Variants in ZNF730 observed in about 807,000 individuals in gnomAD.
ZNF730 encodes putative zinc finger protein 730.
ZNF730 carries 12 observed loss-of-function variants against 12.6 expected under a neutral mutation model. The ratio of observed to expected loss-of-function variants is 0.95; its 90% CI spans 0.61 to 1.54. The LOEUF (loss-of-function observed/expected upper bound fraction) is 1.54. Ranked by LOEUF, ZNF730 falls within the 40% of genes most tolerant of loss-of-function variation. ZNF730 has a pLI of 0.00. For missense variants in ZNF730, 643 were observed against 583.5 expected, an observed-to-expected ratio of 1.10 and a Z score of -1.05; for synonymous variants, 194 against 195.8, an observed-to-expected ratio of 0.99 and a Z score of 0.08.
intron 1 of ZNF730, chr19:23,100,149 A>G (rs751545246): frequency 3.9e-5 from 6 of 151,990 alleles, no homozygotes; most frequent in Non-Finnish European, 8.8e-5. Flanking sequence ...TTCACCAATC[A>G]CTGAGGTCGA....
intron 1 of ZNF730, among the ~76,000 whole-genome samples, chr19:23,092,393 G>A (rs996529878): frequency 5.3e-5 from 8 of 152,014 alleles, no homozygotes; most frequent in African/African-American, 1.4e-4. Flanking sequence ...TTGGGAGTTC[G>A]AGACCAGCCT....
chr19:23,078,109 T>C (rs62121616), intron 1 of ZNF730, among the ~76,000 whole-genome samples: 19 of 152,204 alleles, frequency 1.2e-4, no homozygotes, highest in Middle Eastern at 3.4e-3. Context: ...GTCTGAGATA[T>C]GGCCTCATGG....
At chr19:23,118,601 G>A (rs935470361) in intron 1 of ZNF730, among the ~76,000 whole-genome samples, 3 of 152,086 alleles carry the variant, frequency 2.0e-5, no homozygotes, top group Non-Finnish European at 4.4e-5. Context: ...GGGGCTAAGA[G>A]GAATCTCCTG....
Position 23,145,344 on chromosome 19 carries a change from G to A in ZNF730, c.300G>A (p.Leu100=), listed in dbSNP as rs1419893050. ...AAGATTATTTCCAAGAAGTCATACT[G>A]AGACAATATAAAAAATGTAGACATG... The part of the protein sequence containing the change: ...GIKDYFQEVI[L]RQYKKCRHEN... Residue 100 remains leucine (L), a synonymous_variant, in exon 4 of 4, where the codon CTG becomes CTA. Coordinates refer to ENST00000597761, the MANE Select transcript of ZNF730 (RefSeq NM_001277403.2). The A allele has an allele frequency of 6.3e-7, 1 of 1,598,400 alleles. No homozygotes were observed. Among genetic ancestry groups the A allele is most frequent in the Middle Eastern group, 1.7e-4 (1 of 6,044 alleles).
intron 1 of ZNF730, chr19:23,124,089 A>T (rs554130189): frequency 6.6e-6 from 1 of 152,284 alleles, no homozygotes; most frequent in African/African-American, 2.4e-5. Flanking sequence ...CCACTCTCTG[A>T]TGTGACACTA....
chr19:23,107,475 A>AAAAAAAAACC (rs752480467), intron 1 of ZNF730, among the ~76,000 whole-genome samples: 1 of 118,934 alleles, frequency 8.4e-6, no homozygotes, highest in African/African-American at 2.8e-5. Context: ...AAAAAAAAAA[A>AAAAAAAAACC]CCACCACAGC....
chr19:23,101,715 A>G (rs1447358256), intron 1 of ZNF730, among the ~76,000 whole-genome samples: 4 of 152,146 alleles, frequency 2.6e-5, no homozygotes, highest in Non-Finnish European at 4.4e-5. Context: ...GAGTACAGGC[A>G]TGCACCACCA....
chr19:23,100,551 G>C (rs371881614), intron 1 of ZNF730, among the ~76,000 whole-genome samples: 4 of 150,396 alleles, frequency 2.7e-5, no homozygotes, highest in Admixed American at 6.6e-5. Flanking sequence ...GTGAAGTCCT[G>C]AATCACACAT....
At chr19:23,087,992 G>C (rs1970094046) in intron 1 of ZNF730, among the ~76,000 whole-genome samples, 1 of 151,892 alleles carries the variant, frequency 6.6e-6, no homozygotes, top group South Asian at 2.1e-4. Context: ...AGTGATGAAA[G>C]AGGGCATCCT....
Position 23,146,194 on chromosome 19 carries a change from A to T in ZNF730, c.1150A>T (p.Thr384Ser), listed in dbSNP as rs779154353. The T allele has an allele frequency of 6.2e-7, 1 of 1,609,682 alleles. No individual in the cohort carries two copies. Among genetic ancestry groups the T allele is most frequent in the South Asian group, 1.1e-5 (1 of 90,704 alleles). ...AGCTTTTAACCAATCCTCAACTCTTACTATACATAAGATAATTCATACTGT... is the reference window on the plus strand; with the variant it reads ...AGCTTTTAACCAATCCTCAACTCTTTCTATACATAAGATAATTCATACTGT... ...GKAFNQSSTL[T>S]IHKIIHTVEK... The change falls in exon 4 of 4, where the codon ACT becomes TCT. Residue 384 changes from threonine to serine, a missense_variant. Coordinates refer to ENST00000597761, the MANE Select transcript of ZNF730 (RefSeq NM_001277403.2).
chr19:23,135,402 C>T (rs1350568013), intron 2 of ZNF730, among the ~76,000 whole-genome samples: 1 of 151,806 alleles, frequency 6.6e-6, no homozygotes, highest in Non-Finnish European at 1.5e-5. Flanking sequence ...TTGTTGCTCA[C>T]ATCTTAAAAT....
chr19:23,134,924 T>C (rs1396355414), intron 2 of ZNF730, among the ~76,000 whole-genome samples: 13 of 74,952 alleles, frequency 1.7e-4, no homozygotes, highest in East Asian at 6.5e-4. Flanking sequence ...TGTGACCTTA[T>C]CCCCAACCCT....
chr19:23,088,287 TG>T (rs1052157423), intron 1 of ZNF730, among the ~76,000 whole-genome samples: 5 of 151,966 alleles, frequency 3.3e-5, no homozygotes, highest in Non-Finnish European at 7.4e-5. Flanking sequence ...CCCAAAGTGG[TG>T]GGATTACAGG....
intron 1 of ZNF730, among the ~76,000 whole-genome samples, chr19:23,101,136 G>C (rs1377377129): frequency 6.6e-6 from 1 of 152,196 alleles, no homozygotes; most frequent in African/African-American, 2.4e-5. Flanking sequence ...AAATCATCAA[G>C]TGAAACTATC....
At chr19:23,078,339 C>A (rs745582260) in intron 1 of ZNF730, among the ~76,000 whole-genome samples, 1 of 151,610 alleles carries the variant, frequency 6.6e-6, no homozygotes, top group African/African-American at 2.4e-5. Context: ...GTGTAAAACC[C>A]GATTGTATGT....
chr19:23,093,076 C>T (rs543844441), intron 1 of ZNF730, among the ~76,000 whole-genome samples: 4 of 152,208 alleles, frequency 2.6e-5, no homozygotes, highest in Admixed American at 6.5e-5. Flanking sequence ...CTGTAACCTC[C>T]GCCTCCCGGG....
At chr19:23,116,979 A>G, upstream of ZNF730, 8 of 1,011,078 alleles carry the variant, frequency 7.9e-6, no homozygotes, top group Non-Finnish European at 1.1e-5. Flanking sequence ...CCGTCCAATC[A>G]GGCCCGCAGC....
chr19:23,098,262 A>G (rs1387222533), intron 1 of ZNF730: 1 of 152,164 alleles, frequency 6.6e-6, no homozygotes, highest in African/African-American at 2.4e-5. Flanking sequence ...ACTGCATTCA[A>G]CATATAGCTG....
intron 1 of ZNF730, among the ~76,000 whole-genome samples, chr19:23,131,595 T>G (rs1402597332): frequency 6.6e-6 from 1 of 152,262 alleles, no homozygotes; most frequent in Non-Finnish European, 1.5e-5. Context: ...TTGTCTTTAT[T>G]TGTACCAAAA....
Sources: allele counts gnomAD v4.1 joint callset (sites outside exome capture counted in the v4.1 genomes callset), GRCh38; gene constraint gnomAD v4.1.1; transcripts MANE v1.5; gene names NCBI Gene and HGNC (gene_info 2026-07-23, HGNC 2026-07-21).